AGTPBP1: variants seen among roughly 807,000 people sequenced by gnomAD.
AGTPBP1 encodes the protein cytosolic carboxypeptidase 1.
In AGTPBP1, 70 loss-of-function variants were observed where a neutral mutation model predicts 143.9. The observed-to-expected ratio is 0.49, with a 90% CI of 0.40 to 0.59. The LOEUF (loss-of-function observed/expected upper bound fraction) is 0.59, where lower values mean the gene tolerates loss of function less well. AGTPBP1 is among the 20% of genes least tolerant of loss of function. The pLI is 0.00. For missense variants in AGTPBP1, 1,229 were observed against 1,464.5 expected (o/e 0.84, Z 2.62); for synonymous variants, 463 against 500.2 (o/e 0.93, Z 0.99).
intron 17 of AGTPBP1, among the ~76,000 whole-genome samples, chr9:85,600,911 C>T (rs1314844119): frequency 6.6e-6 from 1 of 152,158 alleles, no homozygotes; most frequent in Non-Finnish European, 1.5e-5. Context: ...AGAGACCCCA[C>T]TTCCCAGCAG....
intron 12 of AGTPBP1, among the ~76,000 whole-genome samples, chr9:85,644,700 C>T (rs1392656633): frequency 6.6e-6 from 1 of 151,986 alleles, no homozygotes; most frequent in Middle Eastern, 3.2e-3. Flanking sequence ...TAGAAGCTAC[C>T]AGTTTCTATA....
intron 1 of AGTPBP1, among the ~76,000 whole-genome samples, chr9:85,737,683 A>T (rs375436890): frequency 6.6e-6 from 1 of 152,242 alleles, no homozygotes; most frequent in Non-Finnish European, 1.5e-5. Flanking sequence ...TTACAATCTC[A>T]GGAATGAGTA....
chr9:85,753,051 T>C, the AGTPBP1 span, among the ~76,000 whole-genome samples: 1 of 152,080 alleles, frequency 6.6e-6, no homozygotes, highest in Non-Finnish European at 1.5e-5. Context: ...CCCCACATTA[T>C]TTTCTTCTCA....
chr9:85,636,318 G>A lies in AGTPBP1; in HGVS notation c.1303-2944C>T, dbSNP rs530823419. Among the ~76,000 whole-genome samples, 14 of 142,786 alleles carry A rather than the reference G, an allele frequency of 9.8e-5. 1 individual carries two copies. In the South Asian group the frequency reaches 1.5e-3, roughly 16 times the overall value. The allele number at this position is 142,786 out of a possible 152,430, so 93.7% of individuals were successfully genotyped here. A position where few individuals can be genotyped will look rare whatever the true frequency, so the allele number is the denominator to read the frequency against. ...CGCTCTGTCTCCAGGCTGGAGTGCA[G>A]TGGCGCAATCTCAGCTCACTGCAAG... On this transcript the variant is annotated intron_variant, in intron 13 of 25. Transcript: ENST00000357081.
intron 25 of AGTPBP1, among the ~76,000 whole-genome samples, chr9:85,549,309 A>G (rs555991379): frequency 2.1e-4 from 32 of 152,308 alleles, no homozygotes; most frequent in African/African-American, 7.0e-4. Flanking sequence ...CAGATAGACA[A>G]GAAGTGGCCA....
chr9:85,777,201 A>G, the AGTPBP1 span, among the ~76,000 whole-genome samples: 1 of 152,190 alleles, frequency 6.6e-6, no homozygotes, highest in Non-Finnish European at 1.5e-5. Context: ...GACAGTGAAT[A>G]AGGCATTCTG....
chr9:85,585,433 A>G, intron 23 of AGTPBP1, 30 bp downstream of exon 23: 3 of 1,527,760 alleles, frequency 2.0e-6, no homozygotes, highest in Non-Finnish European at 2.6e-6. Context: ...TTTGAAATTC[A>G]AAAACTTATG....
intron 3 of AGTPBP1, among the ~76,000 whole-genome samples, chr9:85,692,143 C>T (rs1046234990): frequency 6.6e-6 from 1 of 152,006 alleles, no homozygotes; most frequent in African/African-American, 2.4e-5. Flanking sequence ...GAATTAGGTA[C>T]TATTTGTAAA....
At chr9:85,622,804 C>G (rs1047324293) in intron 14 of AGTPBP1, among the ~76,000 whole-genome samples, 1 of 152,012 alleles carries the variant, frequency 6.6e-6, no homozygotes, top group Non-Finnish European at 1.5e-5. Context: ...AACCAGATGG[C>G]CAATAGTGAA....
intron 2 of AGTPBP1, among the ~76,000 whole-genome samples, 186 bp downstream of exon 2, chr9:85,712,316 G>A (rs1264235479): frequency 6.6e-6 from 1 of 151,866 alleles, no homozygotes; most frequent in Admixed American, 6.6e-5. Context: ...AAAAACAGGA[G>A]GTGGTCATAG....
chr9:85,703,790 T>C (rs1836817758), intron 2 of AGTPBP1, among the ~76,000 whole-genome samples: 1 of 152,174 alleles, frequency 6.6e-6, no homozygotes, highest in South Asian at 2.1e-4. Flanking sequence ...CCAAGGACAC[T>C]GTATAGGTTA....
chr9:85,660,443 C>T (rs1439196829), intron 9 of AGTPBP1, among the ~76,000 whole-genome samples: 2 of 152,032 alleles, frequency 1.3e-5, no homozygotes, highest in African/African-American at 2.4e-5. Context: ...GAAAACAGTG[C>T]TTTATTTTGT....
At chr9:85,631,207 G>C (rs1376389634) in intron 14 of AGTPBP1, among the ~76,000 whole-genome samples, 1 of 152,208 alleles carries the variant, frequency 6.6e-6, no homozygotes, top group African/African-American at 2.4e-5. Context: ...TCTAACCCTG[G>C]AGAGCCCAGA....
At chr9:85,571,274 T>C (rs1827441416) in intron 25 of AGTPBP1, among the ~76,000 whole-genome samples, 1 of 152,168 alleles carries the variant, frequency 6.6e-6, no homozygotes, top group Non-Finnish European at 1.5e-5. Context: ...GAAGAAATGA[T>C]TGATGATTCC....
intron 2 of AGTPBP1, among the ~76,000 whole-genome samples, chr9:85,709,598 A>G (rs1837235630): frequency 6.6e-6 from 1 of 152,202 alleles, no homozygotes; most frequent in Non-Finnish European, 1.5e-5. Context: ...TGGACAACAG[A>G]TTCTATACTG....
the AGTPBP1 span, among the ~76,000 whole-genome samples, chr9:85,771,254 C>T: frequency 6.6e-6 from 1 of 152,120 alleles, no homozygotes; most frequent in Non-Finnish European, 1.5e-5. Context: ...AATCCCAGCA[C>T]TTTGGGAGGC....
chr9:85,581,770 A>G (rs1246851177), intron 23 of AGTPBP1, among the ~76,000 whole-genome samples: 1 of 152,196 alleles, frequency 6.6e-6, no homozygotes, highest in Non-Finnish European at 1.5e-5. Context: ...TATTGGAAGG[A>G]TGCTATGATG....
At chr9:85,560,236 T>C (rs11141021) in intron 25 of AGTPBP1, among the ~76,000 whole-genome samples, 9,547 of 152,210 alleles carry the variant, frequency 0.063, 1,016 homozygotes, top group African/African-American at 0.22. Flanking sequence ...AAAATGCTGA[T>C]TTACATTACA....
chr9:85,594,199 A>G (rs1045176017), intron 18 of AGTPBP1, among the ~76,000 whole-genome samples: 2 of 152,224 alleles, frequency 1.3e-5, no homozygotes, highest in Non-Finnish European at 2.9e-5. Context: ...AGTGAAACAT[A>G]TATTATTTCA....
Sources: gnomAD v4.1 joint callset for allele counts (sites outside exome capture counted in the v4.1 genomes callset) on GRCh38, gnomAD v4.1.1 for gene constraint, MANE v1.5 for transcripts, NCBI Gene and HGNC (gene_info 2026-07-23, HGNC 2026-07-21) for gene names.